FGF12: variants seen among roughly 807,000 people sequenced by gnomAD.
FGF12 encodes the protein fibroblast growth factor 12B.
In FGF12, 14 loss-of-function variants were observed where a neutral mutation model predicts 23.6. That is an observed-to-expected ratio of 0.59 (90% CI 0.39 to 0.93). FGF12 has a LOEUF of 0.93. FGF12 is among the 40% of genes least tolerant of loss of function. FGF12 has a pLI of 0.00. For missense variants in FGF12, 175 were observed against 217.8 expected, an observed-to-expected ratio of 0.80 and a Z score of 1.24; for synonymous variants, 62 against 77.3, an observed-to-expected ratio of 0.80 and a Z score of 1.04.
rs146840450 is a variant in FGF12, at chr3:192,480,920, T to A, written c.14-120382A>T. Among the ~76,000 whole-genome samples the A allele has an allele frequency of 5.7e-3, 873 of 152,318 alleles. 7 individuals carry two copies. The highest frequency in any genetic ancestry group is 0.02 in the African/African-American group (850 of 41,570). On this transcript the variant is annotated intron_variant, in intron 2 of 5. Transcript: ENST00000445105. ...TGTCTGCATGCTGAGCTAACACAGA[T>A]TAATTACTCCATGATCCGTTTAAAA... is the stretch of plus-strand genomic sequence containing the variant.
At chr3:192,240,600 G>A (rs993147608) in intron 4 of FGF12, among the ~76,000 whole-genome samples, 1 of 152,096 alleles carries the variant, frequency 6.6e-6, no homozygotes, top group Non-Finnish European at 1.5e-5. Flanking sequence ...AGATGACCTA[G>A]TGCACAGTGA....
At chr3:192,165,391 T>A (rs575946555) in intron 5 of FGF12, among the ~76,000 whole-genome samples, 1 of 152,170 alleles carries the variant, frequency 6.6e-6, no homozygotes, top group Non-Finnish European at 1.5e-5. Context: ...AGAAAATATG[T>A]TTAGACCAGT....
chr3:192,557,337 G>T (rs2654700), intron 2 of FGF12, among the ~76,000 whole-genome samples: 122,222 of 150,682 alleles, frequency 0.81, 50,026 homozygotes, highest in East Asian at 0.95. Context: ...TAAAAAAAAA[G>T]ACATGAAAGA....
rs554164733 is a variant in FGF12, at chr3:192,607,854, A to G, written c.13+119327T>C. On this transcript the variant is annotated intron_variant, in intron 2 of 5. Transcript: ENST00000445105. Reference sequence around the variant, plus strand: ...CAGAGAACACTGAAAATTAAAAAAAAAAAAAAAAAAAAAGAAGAAGAAGAA... The same window carrying G: ...CAGAGAACACTGAAAATTAAAAAAAGAAAAAAAAAAAAAGAAGAAGAAGAA... 2.0e-5 allele frequency among the ~76,000 whole-genome samples: 3 copies of G among 151,444 alleles called. No homozygotes were observed. In the South Asian group the frequency reaches 6.2e-4, roughly 31 times the overall value.
intron 4 of FGF12, among the ~76,000 whole-genome samples, chr3:192,210,443 C>T (rs1310275261): frequency 6.6e-6 from 1 of 152,140 alleles, no homozygotes; most frequent in Non-Finnish European, 1.5e-5. Context: ...TTCATGTCCC[C>T]ACAAAGGTGG....
intron 2 of FGF12, among the ~76,000 whole-genome samples, chr3:192,717,007 G>A (rs1455664469): frequency 1.3e-5 from 2 of 152,156 alleles, no homozygotes; most frequent in Non-Finnish European, 2.9e-5. Context: ...AAGAGCAGTG[G>A]GTTCTTTCTT....
intron 4 of FGF12, among the ~76,000 whole-genome samples, chr3:192,322,076 CA>C (rs201468911): frequency 0.013 from 1,966 of 148,126 alleles, 46 homozygotes; most frequent in African/African-American, 0.043. Context: ...AACCTAAGGA[CA>C]AAAAAAAACA....
At chr3:192,161,960 AAAC>A (rs1714907183) in intron 5 of FGF12, among the ~76,000 whole-genome samples, 1 of 152,146 alleles carries the variant, frequency 6.6e-6, no homozygotes, top group African/African-American at 2.4e-5. Context: ...TTCCAAATAA[AAAC>A]AATTTAACTT....
intron 2 of FGF12, among the ~76,000 whole-genome samples, chr3:192,645,231 G>A (rs542329355): frequency 1.4e-4 from 22 of 152,120 alleles, no homozygotes; most frequent in Middle Eastern, 3.4e-3. Context: ...AGCTCACAGC[G>A]GTGTGAGGTA....
intron 4 of FGF12, among the ~76,000 whole-genome samples, chr3:192,233,338 T>A (rs1719121862): frequency 6.6e-6 from 1 of 152,178 alleles, no homozygotes; most frequent in Admixed American, 6.5e-5. Flanking sequence ...TTGTTGGCCA[T>A]GTGAATGTCT....
At chr3:192,512,760 C>G (rs1478564009) in intron 2 of FGF12, among the ~76,000 whole-genome samples, 2 of 147,526 alleles carry the variant, frequency 1.4e-5, no homozygotes. Flanking sequence ...CTCTACCCCA[C>G]TAAGTAAAAA....
intron 2 of FGF12, among the ~76,000 whole-genome samples, chr3:192,401,642 A>G (rs1720765696): frequency 6.6e-6 from 1 of 152,188 alleles, no homozygotes; most frequent in Admixed American, 6.5e-5. Flanking sequence ...CCAATTAAAA[A>G]TACAAGTCGC....
chr3:192,164,733 G>C (rs1715064852), intron 5 of FGF12, among the ~76,000 whole-genome samples: 1 of 152,146 alleles, frequency 6.6e-6, no homozygotes, highest in Admixed American at 6.6e-5. Context: ...GCTGGACTCT[G>C]TTAGGATGTT....
At chr3:192,385,245 A>C (rs944881847) in intron 2 of FGF12, among the ~76,000 whole-genome samples, 55 of 152,194 alleles carry the variant, frequency 3.6e-4, no homozygotes, top group Non-Finnish European at 6.2e-4. Flanking sequence ...ATGTTACAAC[A>C]TATCCTAAAT....
At chr3:192,273,011 T>C (rs1713545155) in intron 4 of FGF12, among the ~76,000 whole-genome samples, 1 of 152,162 alleles carries the variant, frequency 6.6e-6, no homozygotes, top group African/African-American at 2.4e-5. Context: ...TTTTGCAAGA[T>C]TGGTTTCAAG....
intron 2 of FGF12, among the ~76,000 whole-genome samples, chr3:192,608,667 G>A (rs749748396): frequency 3.9e-5 from 6 of 152,114 alleles, no homozygotes; most frequent in Non-Finnish European, 8.8e-5. Context: ...CTGGCCTTCC[G>A]AGAAGATGCT....
chr3:192,484,315 TAAAAA>T (rs57914760), intron 2 of FGF12, among the ~76,000 whole-genome samples: 34 of 99,672 alleles, frequency 3.4e-4, no homozygotes, highest in African/African-American at 8.0e-4. Context: ...TCCATTTTCC[TAAAAA>T]AAAAAAAAAA....
intron 4 of FGF12, among the ~76,000 whole-genome samples, chr3:192,263,181 T>C (rs1712869324): frequency 6.6e-6 from 1 of 152,102 alleles, no homozygotes; most frequent in Non-Finnish European, 1.5e-5. Flanking sequence ...TCAAGCAATA[T>C]GGCAGTAAAA....
intron 5 of FGF12, among the ~76,000 whole-genome samples, chr3:192,165,736 A>AAGGT (rs1715128210): frequency 6.6e-6 from 1 of 152,166 alleles, no homozygotes. Context: ...ATCATAGTAT[A>AAGGT]AGGTTTCTGC....
Sources: gnomAD v4.1 joint callset for allele counts (sites outside exome capture counted in the v4.1 genomes callset) on GRCh38, gnomAD v4.1.1 for gene constraint, MANE v1.5 for transcripts, NCBI Gene and HGNC (gene_info 2026-07-23, HGNC 2026-07-21) for gene names.